The following NR6A1 variants were observed in gnomAD, a reference collection of about 807,000 sequenced individuals.
NR6A1 encodes nuclear receptor subfamily 6 group A member 1.
NR6A1 carries 7 observed loss-of-function variants against 59.1 expected under a neutral mutation model. The observed-to-expected ratio is 0.12, with a 90% CI of 0.07 to 0.22. The LOEUF (loss-of-function observed/expected upper bound fraction) is 0.22. Ranked by LOEUF, NR6A1 falls within the 10% of genes least tolerant of loss-of-function variation. The pLI is 1.00. For missense variants in NR6A1, 468 were observed against 611.6 expected, an observed-to-expected ratio of 0.77 and a Z score of 2.48; for synonymous variants, 243 against 236.1, an observed-to-expected ratio of 1.03 and a Z score of -0.27.
At chr9:124,758,885 T>C (rs898708037) in intron 1 of NR6A1, among the ~76,000 whole-genome samples, 1 of 152,208 alleles carries the variant, frequency 6.6e-6, no homozygotes, top group African/African-American at 2.4e-5. Context: ...CAACTTCCTG[T>C]TTTGCCCAAT....
At chr9:124,679,293 T>C (rs547668977) in intron 2 of NR6A1, among the ~76,000 whole-genome samples, 2 of 152,318 alleles carry the variant, frequency 1.3e-5, no homozygotes, top group East Asian at 1.9e-4. Flanking sequence ...ACTGGCTATA[T>C]TGTGACTGAC....
rs1833626475 is a variant in NR6A1 at position 124,547,242 on chromosome 9, T to C, written c.386-3385A>G. Among the ~76,000 whole-genome samples, 4 of 152,198 alleles carry C rather than the reference T, an allele frequency of 2.6e-5. No individual in the cohort carries two copies. The South Asian group carries it at 8.3e-4, about 32-fold the overall frequency. Reference sequence around the variant, plus strand: ...CTACCATTCTTCATTTGCTTGGGCTTAGGCAGTCAACAAAACCCAGAAACC... The same window carrying C: ...CTACCATTCTTCATTTGCTTGGGCTCAGGCAGTCAACAAAACCCAGAAACC... On this transcript the variant is annotated intron_variant, in intron 3 of 9. Transcript: ENST00000487099.
chr9:124,612,718 A>G (rs1436655663), intron 2 of NR6A1, among the ~76,000 whole-genome samples: 1 of 152,258 alleles, frequency 6.6e-6, no homozygotes, highest in Admixed American at 6.5e-5. Flanking sequence ...CAACTCTTGT[A>G]CTGTGGGTAA....
chr9:124,679,558 A>G (rs544215483), intron 2 of NR6A1, among the ~76,000 whole-genome samples: 6 of 152,304 alleles, frequency 3.9e-5, no homozygotes, highest in Admixed American at 2.0e-4. Flanking sequence ...CATTAGCAGT[A>G]TAAACAAAAG....
At chr9:124,594,890 A>G (rs909605104) in intron 2 of NR6A1, among the ~76,000 whole-genome samples, 3 of 152,206 alleles carry the variant, frequency 2.0e-5, no homozygotes, top group African/African-American at 7.2e-5. Flanking sequence ...AGGACCAGCT[A>G]TTTCGTAGGG....
At chr9:124,688,327 T>TA (rs1224650425) in intron 2 of NR6A1, among the ~76,000 whole-genome samples, 2 of 150,908 alleles carry the variant, frequency 1.3e-5, no homozygotes, top group Admixed American at 1.3e-4. Context: ...ACCCTGTCTT[T>TA]AAAAAAGAAA....
At chr9:124,576,171 C>A (rs1834585229) in intron 2 of NR6A1, among the ~76,000 whole-genome samples, 1 of 152,198 alleles carries the variant, frequency 6.6e-6, no homozygotes, top group African/African-American at 2.4e-5. Flanking sequence ...GATTAGAGAA[C>A]CAACATTTAC....
intron 2 of NR6A1, among the ~76,000 whole-genome samples, chr9:124,604,588 CG>C (rs1461109860): frequency 2.0e-5 from 3 of 152,142 alleles, no homozygotes; most frequent in Non-Finnish European, 2.9e-5. Flanking sequence ...GCGGGTAGAT[CG>C]TTTGAGTCCA....
intron 2 of NR6A1, among the ~76,000 whole-genome samples, chr9:124,650,275 A>C (rs1354560110): frequency 6.6e-6 from 1 of 152,228 alleles, no homozygotes; most frequent in Non-Finnish European, 1.5e-5. Context: ...AAAAAAGAAT[A>C]AAATCCCATC....
At chr9:124,565,352 A>G (rs1413855382) in intron 2 of NR6A1, among the ~76,000 whole-genome samples, 3 of 152,146 alleles carry the variant, frequency 2.0e-5, no homozygotes, top group African/African-American at 7.2e-5. Flanking sequence ...GCTTGAACTC[A>G]GGAGGCAGGG....
At chr9:124,596,669 C>T (rs920012296) in intron 2 of NR6A1, among the ~76,000 whole-genome samples, 1 of 152,206 alleles carries the variant, frequency 6.6e-6, no homozygotes, top group African/African-American at 2.4e-5. Context: ...AAACAATCAT[C>T]ATGCTATAGC....
intron 2 of NR6A1, among the ~76,000 whole-genome samples, chr9:124,732,806 T>G (rs978527311): frequency 7.2e-5 from 11 of 151,886 alleles, no homozygotes; most frequent in Admixed American, 7.2e-4. Flanking sequence ...AAGCGATTCT[T>G]CAGCCTCAGC....
rs563578583 is a variant in NR6A1 at position 124,620,527 on chromosome 9, G to A, written c.143-65957C>T. ...ACTGACTACTCAAGTGCTATGGCAC[G>A]GACAAACTTCAAAACCACCATGCTA... On this transcript the variant is annotated intron_variant, in intron 2 of 9. Transcript: ENST00000487099. 6.1e-4 allele frequency among the ~76,000 whole-genome samples: 93 copies of A among 152,200 alleles called. 1 individual carries two copies. The South Asian group carries it at 0.018, about 30-fold the overall frequency.
chr9:124,543,708 GC>G, intron 4 of NR6A1, 93 bp downstream of exon 4: 2 of 899,818 alleles, frequency 2.2e-6, no homozygotes, highest in Non-Finnish European at 1.7e-6. Context: ...GCTCTCCTCA[GC>G]AGCAGATGAA....
In NR6A1 at chr9:124,622,122, G is replaced by A. The variant is rs548139988; in HGVS notation, c.143-67552C>T. On this transcript the variant is annotated intron_variant, in intron 2 of 9. Transcript: ENST00000487099. The stretch of plus-strand genomic sequence containing the variant: ...TCCCAGCTACTTCGCAGGCTGAGGT[G>A]AGAGGATCGCTTGAGCCTGGGAGGC... Among the ~76,000 whole-genome samples, 91 of 152,302 alleles carry A rather than the reference G, an allele frequency of 6.0e-4. 1 individual carries two copies. In the South Asian group the frequency reaches 0.018, roughly 31 times the overall value.
chr9:124,661,425 C>CCCTG (rs1247151111), intron 2 of NR6A1, among the ~76,000 whole-genome samples: 1 of 152,168 alleles, frequency 6.6e-6, no homozygotes, highest in East Asian at 1.9e-4. Flanking sequence ...GAGGAGGAGA[C>CCCTG]CCTGCACAAG....
chr9:124,563,953 A>T (rs1220364483), intron 2 of NR6A1, among the ~76,000 whole-genome samples: 1 of 152,032 alleles, frequency 6.6e-6, no homozygotes, highest in East Asian at 1.9e-4. Context: ...GCACACACCT[A>T]TATGGTCCTA....
At chr9:124,613,467 C>G (rs1835809834) in intron 2 of NR6A1, among the ~76,000 whole-genome samples, 2 of 152,072 alleles carry the variant, frequency 1.3e-5, no homozygotes, top group African/African-American at 4.8e-5. Flanking sequence ...GGCAACATGA[C>G]AAGACCGTCT....
intron 1 of NR6A1, among the ~76,000 whole-genome samples, chr9:124,757,779 T>C (rs1274036533): frequency 1.3e-5 from 2 of 152,210 alleles, no homozygotes; most frequent in Non-Finnish European, 2.9e-5. Context: ...GTATGTTCCT[T>C]AGACAACGCT....
Sources: allele counts gnomAD v4.1 joint callset (sites outside exome capture counted in the v4.1 genomes callset), GRCh38; gene constraint gnomAD v4.1.1; transcripts MANE v1.5; gene names NCBI Gene and HGNC (gene_info 2026-07-23, HGNC 2026-07-21).